Variants in KLF12 observed in about 807,000 individuals in gnomAD.
The protein encoded by KLF12 is Krueppel-like factor 12.
In KLF12, 9 loss-of-function variants were observed where a neutral mutation model predicts 37.8. The ratio of observed to expected loss-of-function variants is 0.24; its 90% CI spans 0.14 to 0.42. KLF12 has a LOEUF of 0.42. Ranked by LOEUF, KLF12 falls within the 10% of genes least tolerant of loss-of-function variation. KLF12 has a pLI of 1.00. For missense variants in KLF12, 411 were observed against 516.0 expected (o/e 0.80, Z 1.97); for synonymous variants, 208 against 202.1 (o/e 1.03, Z -0.25).
the KLF12 span, among the ~76,000 whole-genome samples, chr13:74,239,068 G>C: frequency 4.1e-5 from 6 of 147,156 alleles, no homozygotes; most frequent in African/African-American, 1.5e-4. Context: ...GCTTTCTCTT[G>C]TGGGCATTTA....
chr13:73,755,933 A>G (rs938024065), intron 6 of KLF12, among the ~76,000 whole-genome samples: 1 of 152,072 alleles, frequency 6.6e-6, no homozygotes, highest in Non-Finnish European at 1.5e-5. Context: ...CTATTGTTTC[A>G]TTCCTTTTTA....
the KLF12 span, among the ~76,000 whole-genome samples, chr13:74,202,672 T>C: frequency 1.3e-5 from 2 of 152,166 alleles, no homozygotes; most frequent in Non-Finnish European, 2.9e-5. Context: ...CACTCTCCTT[T>C]TTCGAAGGAT....
chr13:74,164,507 A>G, the KLF12 span, among the ~76,000 whole-genome samples: 4,026 of 152,354 alleles, frequency 0.026, 79 homozygotes, highest in Middle Eastern at 0.075. Context: ...AAAAGAATGC[A>G]CTAAATTATT....
chr13:73,949,714 T>C (rs1282440878), intron 2 of KLF12, among the ~76,000 whole-genome samples: 1 of 152,232 alleles, frequency 6.6e-6, no homozygotes, highest in Non-Finnish European at 1.5e-5. Flanking sequence ...TCCTTTTCTC[T>C]ACTCACATAT....
intron 1 of KLF12, among the ~76,000 whole-genome samples, chr13:74,007,072 CA>C (rs1892426729): frequency 6.6e-6 from 1 of 152,054 alleles, no homozygotes; most frequent in African/African-American, 2.4e-5. Context: ...TGCCTGCAGC[CA>C]AATCTCTCCT....
At chr13:74,232,780 C>A in the KLF12 span, among the ~76,000 whole-genome samples, 1 of 152,130 alleles carries the variant, frequency 6.6e-6, no homozygotes. Context: ...AGGTCAACAA[C>A]AACAAAAAAG....
chr13:74,084,459 A>G (rs1312138905), intron 1 of KLF12, among the ~76,000 whole-genome samples: 1 of 152,198 alleles, frequency 6.6e-6, no homozygotes, highest in Non-Finnish European at 1.5e-5. Flanking sequence ...TTAAAGGTCA[A>G]GTTCTTCCTA....
At chr13:73,849,601 C>T (rs1885219746) in intron 3 of KLF12, among the ~76,000 whole-genome samples, 1 of 152,052 alleles carries the variant, frequency 6.6e-6, no homozygotes. Context: ...GTATGCCACT[C>T]AGGAACCAGC....
At chr13:74,217,165 C>CTT in the KLF12 span, among the ~76,000 whole-genome samples, 1 of 151,662 alleles carries the variant, frequency 6.6e-6, no homozygotes, top group African/African-American at 2.4e-5. Context: ...TTAGATGATT[C>CTT]TTTTTTTTGA....
the KLF12 span, among the ~76,000 whole-genome samples, chr13:74,140,856 A>T: frequency 6.6e-6 from 1 of 152,190 alleles, no homozygotes; most frequent in Non-Finnish European, 1.5e-5. Context: ...GATCGAGACC[A>T]TCCTGGCTAA....
intron 1 of KLF12, among the ~76,000 whole-genome samples, chr13:74,083,702 C>A (rs891485786): frequency 6.6e-6 from 1 of 152,148 alleles, no homozygotes; most frequent in African/African-American, 2.4e-5. Flanking sequence ...ATGAGCTTGA[C>A]ATGTTTTATA....
the KLF12 span, among the ~76,000 whole-genome samples, chr13:74,253,870 G>A: frequency 6.6e-6 from 1 of 152,154 alleles, no homozygotes; most frequent in Non-Finnish European, 1.5e-5. Context: ...GAGCTCCATA[G>A]TGCACATTAG....
Position 74,014,323 on chromosome 13 carries a change from A to G in KLF12, c.-31-19270T>C, listed in dbSNP as rs757334668. On this transcript the variant is annotated intron_variant, in intron 1 of 7. Coordinates refer to ENST00000377669, the MANE Select transcript of KLF12 (RefSeq NM_007249.5). The stretch of plus-strand genomic sequence containing the variant: ...ATGCTAATGAAGTTTTCTTCTTCCT[A>G]TGTCCTGCGTTTGTTTACTGGTAAC... Among the ~76,000 whole-genome samples the G allele has an allele frequency of 2.0e-5, 3 of 152,206 alleles. No homozygotes were observed. The South Asian group carries it at 6.2e-4, about 31-fold the overall frequency.
At chr13:73,813,107 A>G (rs1883029102) in intron 5 of KLF12, 45 bp downstream of exon 5, 1 of 1,603,840 alleles carries the variant, frequency 6.2e-7, no homozygotes, top group Non-Finnish European at 8.5e-7. Context: ...TTATCCATTG[A>G]ACACCTTGGC....
chr13:73,844,358 G>T (rs1884905535), intron 4 of KLF12, among the ~76,000 whole-genome samples: 1 of 152,148 alleles, frequency 6.6e-6, no homozygotes, highest in Admixed American at 6.6e-5. Flanking sequence ...ATCAAAGAGG[G>T]TTTGGCTCAG....
At chr13:74,261,604 A>G in the KLF12 span, among the ~76,000 whole-genome samples, 1 of 152,236 alleles carries the variant, frequency 6.6e-6, no homozygotes, top group African/African-American at 2.4e-5. Context: ...AAGACTGTAT[A>G]TAAACACATA....
chr13:74,101,280 T>C (rs1024746060), intron 1 of KLF12, among the ~76,000 whole-genome samples: 1 of 152,190 alleles, frequency 6.6e-6, no homozygotes, highest in African/African-American at 2.4e-5. Flanking sequence ...GAAGAGGGTA[T>C]TCAAGCACTT....
intron 5 of KLF12, among the ~76,000 whole-genome samples, chr13:73,789,510 C>A (rs942066437): frequency 6.6e-6 from 1 of 152,078 alleles, no homozygotes; most frequent in African/African-American, 2.4e-5. Context: ...AAGCCCTAAC[C>A]TGACCCAGGG....
intron 1 of KLF12, among the ~76,000 whole-genome samples, chr13:74,064,406 A>AG (rs1873789102): frequency 2.0e-5 from 3 of 151,978 alleles, no homozygotes; most frequent in Non-Finnish European, 2.9e-5. Context: ...CTCACTCAAT[A>AG]TTAAGTATTA....
Sources: gnomAD v4.1 joint callset for allele counts (sites outside exome capture counted in the v4.1 genomes callset) on GRCh38, gnomAD v4.1.1 for gene constraint, MANE v1.5 for transcripts, NCBI Gene and HGNC (gene_info 2026-07-23, HGNC 2026-07-21) for gene names.